The following ZC3H3 variants were observed in gnomAD, a reference collection of about 807,000 sequenced individuals.
ZC3H3 encodes the protein zinc finger CCCH-type containing 3.
A neutral mutation model predicts 77.3 loss-of-function variants in ZC3H3; 36 were observed. That is an observed-to-expected ratio of 0.47 (90% confidence interval 0.36 to 0.61). ZC3H3 has a LOEUF of 0.61. Among genes scored for constraint, ZC3H3 ranks in the 20% least tolerant of loss-of-function variants. The pLI, the probability that ZC3H3 is intolerant of heterozygous loss-of-function variation, is 0.00. For synonymous variants in ZC3H3, 626 were observed against 555.2 expected (o/e 1.13, Z -1.79); for missense variants, 1,331 against 1,312.2 (o/e 1.01, Z -0.22).
chr8:143,483,678 C>T (rs1242041662), intron 4 of ZC3H3, among the ~76,000 whole-genome samples: 2 of 152,204 alleles, frequency 1.3e-5, no homozygotes, highest in African/African-American at 4.8e-5. Context: ...TGAAATCTGA[C>T]TACGTGGTGG....
At chr8:143,506,948 G>A (rs2956379) in intron 4 of ZC3H3, among the ~76,000 whole-genome samples, 4,246 of 152,322 alleles carry the variant, frequency 0.028, 180 homozygotes, top group African/African-American at 0.096. Context: ...ACCATCTCTG[G>A]CCCACGCCAC....
At chr8:143,444,214 T>A (rs764246009) in intron 9 of ZC3H3, among the ~76,000 whole-genome samples, 5 of 152,146 alleles carry the variant, frequency 3.3e-5, no homozygotes, top group Non-Finnish European at 7.4e-5. Context: ...GACCTTGTGA[T>A]CCACCCACCT....
intron 3 of ZC3H3, among the ~76,000 whole-genome samples, chr8:143,518,135 C>G (rs1371185572): frequency 6.6e-6 from 1 of 152,248 alleles, no homozygotes. Context: ...GGCCAGCAGG[C>G]AGCTCCAGGG....
chr8:143,536,107 A>G, intron 3 of ZC3H3, 150 bp downstream of exon 3: 1 of 983,430 alleles, frequency 1.0e-6, no homozygotes, highest in South Asian at 1.7e-5. Flanking sequence ...TCTATCTGCC[A>G]GCCCACCACC....
chr8:143,468,287 C>T lies in ZC3H3; in HGVS notation c.2106-9G>A, dbSNP rs1214353599. ...AGGTGCCCCGGACAAACCTGCAGCA[C>T]CAGGAGAAACGGGTATGAGGAAGGG... On this transcript the variant is annotated splice_polypyrimidine_tract_variant and intron_variant, in intron 7 of 11. Transcript: ENST00000262577. 1 of 1,612,978 alleles carries T rather than the reference C, an allele frequency of 6.2e-7. No individual in the cohort carries two copies. Among genetic ancestry groups the T allele is most frequent in the Admixed American group, 1.7e-5 (1 of 60,012 alleles).
chr8:143,518,303 A>G (rs970917844), intron 3 of ZC3H3, among the ~76,000 whole-genome samples: 2 of 150,602 alleles, frequency 1.3e-5, no homozygotes, highest in African/African-American at 4.9e-5. Flanking sequence ...GCCTGGCTGG[A>G]TCCCAAGGTC....
intron 4 of ZC3H3, among the ~76,000 whole-genome samples, chr8:143,498,047 C>T (rs1337300982): frequency 6.6e-6 from 1 of 152,252 alleles, no homozygotes; most frequent in Non-Finnish European, 1.5e-5. Context: ...TCAACACACA[C>T]CGGGTGAGCG....
intron 4 of ZC3H3, among the ~76,000 whole-genome samples, chr8:143,478,638 T>A (rs1418652187): frequency 1.3e-5 from 2 of 152,124 alleles, no homozygotes; most frequent in Non-Finnish European, 2.9e-5. Flanking sequence ...GCCTCCAGAG[T>A]AGCTGGGATT....
At chr8:143,527,472 C>T (rs1214039621) in intron 3 of ZC3H3, among the ~76,000 whole-genome samples, 2 of 152,166 alleles carry the variant, frequency 1.3e-5, no homozygotes, top group African/African-American at 4.8e-5. Context: ...GCAGCACCAC[C>T]ACGGCACACA....
intron 4 of ZC3H3, among the ~76,000 whole-genome samples, chr8:143,503,197 C>T (rs988258407): frequency 3.7e-4 from 57 of 152,320 alleles, no homozygotes; most frequent in Non-Finnish European, 4.7e-4. Flanking sequence ...GCCAGGGCAA[C>T]GCGGCCTCTG....
rs571156238 is a variant in ZC3H3 at position 143,494,339 on chromosome 8, G to A, written c.1715+13407C>T. On this transcript the variant is annotated intron_variant, in intron 4 of 11. Transcript: ENST00000262577. This position sits in a 1 kb window ranked among gnomAD's most constrained non-coding sequence, Gnocchi z 5.3. ...AGCGTGAGTGAGCAGCTCAGGCTAC[G>A]GGACCGGTGGCAGCCCGCCAGCCCT... Among the ~76,000 whole-genome samples the A allele has an allele frequency of 2.0e-4, 31 of 152,356 alleles. No individual in the cohort carries two copies. The highest frequency in any genetic ancestry group is 7.8e-4 in the Admixed American group (12 of 15,300).
chr8:143,473,640 C>T (rs1309128116), intron 5 of ZC3H3, among the ~76,000 whole-genome samples: 4 of 152,218 alleles, frequency 2.6e-5, no homozygotes, highest in Non-Finnish European at 5.9e-5. Context: ...ACAGTGCCAG[C>T]CAACGTGGGG....
At chr8:143,440,458 T>A in intron 10 of ZC3H3, 95 bp from the exon 11 acceptor site, 1 of 1,449,934 alleles carries the variant, frequency 6.9e-7, no homozygotes, top group Non-Finnish European at 9.0e-7. Flanking sequence ...CCTGCTCCCG[T>A]GGCCCTCCGT....
intron 3 of ZC3H3, among the ~76,000 whole-genome samples, chr8:143,509,190 T>C (rs1470889): frequency 0.038 from 5,725 of 151,698 alleles, 328 homozygotes; most frequent in African/African-American, 0.13. Context: ...TTCCCCAGAG[T>C]CCCCCAGAGT....
At chr8:143,466,401 C>G (rs994899566) in intron 8 of ZC3H3, among the ~76,000 whole-genome samples, 11 of 152,238 alleles carry the variant, frequency 7.2e-5, no homozygotes, top group Admixed American at 2.0e-4. Flanking sequence ...CAGGCCAGCA[C>G]CGTGGAGGCC....
chr8:143,540,818 T>C (rs1377928453), intron 1 of ZC3H3, among the ~76,000 whole-genome samples: 1 of 152,120 alleles, frequency 6.6e-6, no homozygotes, highest in Non-Finnish European at 1.5e-5. Context: ...TAGCCAGGCG[T>C]TCTGGCGCCT....
chr8:143,525,602 G>A (rs556287575), intron 3 of ZC3H3, among the ~76,000 whole-genome samples: 1 of 152,324 alleles, frequency 6.6e-6, no homozygotes, highest in South Asian at 2.1e-4. Flanking sequence ...TGAGGACACG[G>A]ACCAGAGGCT....
At position 143,468,621 on chromosome 8, in the gene ZC3H3, C is replaced by T. The variant is rs781737993; in HGVS notation, c.1942G>A (p.Ala648Thr). ...TGCCCAGCCCAAAGGCATTACCTGG[C>T]CAGGGAACGGCTACAGCTGCCTGCA... ...DPAGSCSRSL[A>T]SRAVQRSLAI... Residue 648 changes from alanine (A) to threonine (T), a missense_variant, in exon 6 of 12, where the codon GCC (alanine) becomes ACC (threonine). Around this residue, in one of 3 missense-constraint regions of ZC3H3, gnomAD observed 978 missense variants for 915.5 expected, o/e 1.07. Transcript: ENST00000262577. The T allele has an allele frequency of 2.6e-6, 4 of 1,559,318 alleles. No individual in the cohort carries two copies. In the South Asian group the frequency reaches 4.7e-5, roughly 18 times the overall value.
At chr8:143,441,604 C>A (rs764512695) in intron 9 of ZC3H3, among the ~76,000 whole-genome samples, 2 of 152,152 alleles carry the variant, frequency 1.3e-5, no homozygotes, top group Non-Finnish European at 2.9e-5. Flanking sequence ...GCTGGGCACG[C>A]GATCCCTAGC....
Sources: allele counts gnomAD v4.1 joint callset (sites outside exome capture counted in the v4.1 genomes callset), GRCh38; gene constraint gnomAD v4.1.1; regional missense constraint gnomAD v4.1.1; non-coding constraint Gnocchi (gnomAD v3.1); transcripts MANE v1.5; gene names NCBI Gene and HGNC (gene_info 2026-07-23, HGNC 2026-07-21).